The following WWOX variants were observed in gnomAD, a reference collection of about 807,000 sequenced individuals.
WWOX encodes the protein WW domain-containing oxidoreductase.
A neutral mutation model predicts 46.2 loss-of-function variants in WWOX; 69 were observed. The observed-to-expected ratio is 1.49, with a 90% CI of 1.23 to 1.82. The LOEUF is 1.82. Among genes scored for constraint, WWOX ranks in the 40% most tolerant of loss-of-function variants. The pLI is 0.00. For synonymous variants in WWOX, 359 were observed against 202.6 expected (o/e 1.77, Z -6.56); for missense variants, 919 against 542.6 (o/e 1.69, Z -6.89).
intron 8 of WWOX, among the ~76,000 whole-genome samples, chr16:78,573,731 G>A (rs559270287): frequency 5.9e-5 from 9 of 152,286 alleles, no homozygotes; most frequent in Non-Finnish European, 1.0e-4. Context: ...GCTTTCATCA[G>A]GTTCACTTGC....
intron 4 of WWOX, among the ~76,000 whole-genome samples, chr16:78,131,522 G>A (rs942255556): frequency 5.3e-5 from 8 of 151,616 alleles, no homozygotes; most frequent in African/African-American, 1.9e-4. Flanking sequence ...GCGAAACTCT[G>A]GGTAGTTTCT....
rs113940861 is a variant in WWOX, at chr16:79,166,054, G to C, written c.1057-45554G>C. ...AGGTACAGTGATCTCCTTTAAAAAGGCTGCGTCCCAGCAGCATAGACCAGC... is the reference window on the plus strand; with the variant it reads ...AGGTACAGTGATCTCCTTTAAAAAGCCTGCGTCCCAGCAGCATAGACCAGC... On this transcript the variant is annotated intron_variant, in intron 8 of 8. Transcript: ENST00000566780. 7.4e-3 allele frequency among the ~76,000 whole-genome samples: 1,126 copies of C among 152,292 alleles called. 7 individuals carry two copies. The highest frequency in any genetic ancestry group is 0.011 in the South Asian group (55 of 4,822).
At chr16:79,057,675 C>A (rs188512962) in intron 8 of WWOX, among the ~76,000 whole-genome samples, 3 of 152,058 alleles carry the variant, frequency 2.0e-5, no homozygotes, top group African/African-American at 7.2e-5. Flanking sequence ...AGGAACTGGC[C>A]TACTATGGTA....
chr16:78,890,780 G>T (rs543913101), intron 8 of WWOX: 1 of 152,294 alleles, frequency 6.6e-6, no homozygotes, highest in Middle Eastern at 3.4e-3. Context: ...CCTTAGCCTT[G>T]TTCAAGGTAA....
chr16:78,469,008 G>C (rs773169542), intron 8 of WWOX, among the ~76,000 whole-genome samples: 5 of 152,164 alleles, frequency 3.3e-5, no homozygotes, highest in African/African-American at 9.7e-5. Context: ...TATCTTTCTT[G>C]AGTCTCTCAA....
At chr16:78,560,357 T>C (rs1007052448) in intron 8 of WWOX, among the ~76,000 whole-genome samples, 5 of 152,190 alleles carry the variant, frequency 3.3e-5, no homozygotes, top group African/African-American at 1.2e-4. Flanking sequence ...AGAATAACAT[T>C]AGTGGCCAGG....
At chr16:78,801,756 A>G (rs1007140201) in intron 8 of WWOX, among the ~76,000 whole-genome samples, 3 of 152,130 alleles carry the variant, frequency 2.0e-5, no homozygotes, top group African/African-American at 7.2e-5. Flanking sequence ...GTGTATATGG[A>G]TTGATGACAT....
chr16:78,598,243 A>G (rs1020430245), intron 8 of WWOX, among the ~76,000 whole-genome samples: 1 of 152,166 alleles, frequency 6.6e-6, no homozygotes, highest in East Asian at 1.9e-4. Flanking sequence ...TCACTATCAG[A>G]ATTTTCTAGA....
At chr16:78,572,994 TA>T (rs1384468080) in intron 8 of WWOX, among the ~76,000 whole-genome samples, 3 of 151,996 alleles carry the variant, frequency 2.0e-5, no homozygotes, top group Non-Finnish European at 4.4e-5. Context: ...TAGTAAAAAT[TA>T]AAAAAATTAT....
At chr16:78,496,475 G>A (rs978977433) in intron 8 of WWOX, 1 of 152,192 alleles carries the variant, frequency 6.6e-6, no homozygotes. Flanking sequence ...GTTAGCACGG[G>A]GTTGGCATTG....
At chr16:79,180,379 G>A (rs1025112078) in intron 8 of WWOX, among the ~76,000 whole-genome samples, 3 of 152,192 alleles carry the variant, frequency 2.0e-5, no homozygotes, top group South Asian at 2.1e-4. Context: ...AAATCTATCC[G>A]TTAACAGGTT....
intron 8 of WWOX, among the ~76,000 whole-genome samples, chr16:78,723,270 G>A (rs908183293): frequency 6.6e-6 from 1 of 152,050 alleles, no homozygotes; most frequent in African/African-American, 2.4e-5. Flanking sequence ...AGAATCACCT[G>A]GGAAGCTTTT....
At chr16:78,864,511 C>T (rs868778487) in intron 8 of WWOX, among the ~76,000 whole-genome samples, 3 of 152,072 alleles carry the variant, frequency 2.0e-5, no homozygotes, top group South Asian at 2.1e-4. Flanking sequence ...TCAGGAGATC[C>T]GCCTGCCTTG....
intron 8 of WWOX, among the ~76,000 whole-genome samples, chr16:78,511,342 A>G (rs2085356155): frequency 6.6e-6 from 1 of 152,174 alleles, no homozygotes; most frequent in African/African-American, 2.4e-5. Context: ...ACCGTTGACG[A>G]AGGATTTGAA....
intron 8 of WWOX, among the ~76,000 whole-genome samples, chr16:79,062,023 G>A (rs926708833): frequency 2.6e-5 from 4 of 152,254 alleles, no homozygotes; most frequent in African/African-American, 4.8e-5. Flanking sequence ...TTCTTCAAGG[G>A]AGAGTATGGT....
chr16:78,936,830 G>T (rs984746363), intron 8 of WWOX, among the ~76,000 whole-genome samples: 4 of 152,160 alleles, frequency 2.6e-5, no homozygotes, highest in Non-Finnish European at 4.4e-5. Context: ...TCGCTGTCAG[G>T]CTCACATAAA....
chr16:78,984,903 T>G (rs975443539), intron 8 of WWOX, among the ~76,000 whole-genome samples: 2 of 152,100 alleles, frequency 1.3e-5, no homozygotes, highest in Non-Finnish European at 2.9e-5. Flanking sequence ...TTTTTTCAGT[T>G]AATCGGCTCA....
At chr16:78,488,300 T>A (rs562107785) in intron 8 of WWOX, among the ~76,000 whole-genome samples, 2 of 152,284 alleles carry the variant, frequency 1.3e-5, no homozygotes, top group South Asian at 4.2e-4. Context: ...TTCCAAGTCC[T>A]GTCTCAGCAG....
chr16:78,667,183 C>G (rs143662366), intron 8 of WWOX, among the ~76,000 whole-genome samples: 109 of 152,336 alleles, frequency 7.2e-4, no homozygotes, highest in African/African-American at 2.4e-3. Context: ...CCATGAAACT[C>G]TATGGGTGAA....
Sources: gnomAD v4.1 joint callset for allele counts (sites outside exome capture counted in the v4.1 genomes callset) on GRCh38, gnomAD v4.1.1 for gene constraint, MANE v1.5 for transcripts, NCBI Gene and HGNC (gene_info 2026-07-23, HGNC 2026-07-21) for gene names.